THAP8: variants seen among roughly 807,000 people sequenced by gnomAD.
THAP8 encodes THAP domain containing 8.
Under a neutral mutation model 25.0 loss-of-function variants are expected in THAP8, and 24 were observed. The ratio of observed to expected loss-of-function variants is 0.96; its 90% CI spans 0.69 to 1.35. The LOEUF is 1.35. THAP8 is among the 40% of genes most tolerant of loss of function. THAP8 has a pLI of 0.00. For missense variants in THAP8, 399 were observed against 368.8 expected (o/e 1.08, Z -0.67); for synonymous variants, 169 against 157.6 (o/e 1.07, Z -0.54).
chr19:36,050,252 C>T (rs909936785), intron 1 of THAP8, among the ~76,000 whole-genome samples: 2 of 152,118 alleles, frequency 1.3e-5, no homozygotes, highest in Non-Finnish European at 2.9e-5. Flanking sequence ...TCCAGTGATT[C>T]TCTCACCTCA....
chr19:36,054,096 G>C (rs562080100), intron 1 of THAP8, 39 bp downstream of exon 1: 1 of 1,596,790 alleles, frequency 6.3e-7, no homozygotes, highest in South Asian at 1.1e-5. Context: ...CCCTCTCAGG[G>C]TCCCGCCTCC....
At chr19:36,045,102 T>G (rs1969831107) in intron 1 of THAP8, among the ~76,000 whole-genome samples, 1 of 151,660 alleles carries the variant, frequency 6.6e-6, no homozygotes, top group Non-Finnish European at 1.5e-5. Flanking sequence ...TAATTTATTT[T>G]TTTGAGATGG....
intron 1 of THAP8, among the ~76,000 whole-genome samples, chr19:36,048,220 C>G (rs1969938927): frequency 6.6e-6 from 1 of 152,164 alleles, no homozygotes; most frequent in African/African-American, 2.4e-5. Flanking sequence ...CACAAATGAC[C>G]TGCAAAGGAC....
chr19:36,039,663 T>G lies in THAP8; in HGVS notation c.332A>C (p.Gln111Pro). The change falls in exon 3 of 4, where the codon CAG becomes CCG. Residue 111 changes from glutamine to proline, a missense_variant. Transcript: ENST00000292894. ...GCTCTGGGGCAGGGGTGTATTCTTC[T>G]GTAGGGGAGGCGGCGGCGAGACTGG... ...QKPVSPPPPL[Q>P]KNTPLPQSPA... is the part of the protein sequence containing the mutation. 6.6e-7 allele frequency: 1 copy of G among 1,523,366 alleles called. No individual in the cohort carries two copies. Among genetic ancestry groups the G allele is most frequent in the Non-Finnish European group, 8.8e-7 (1 of 1,134,446 alleles). 94.4% of individuals were successfully genotyped at this position (1,523,366 alleles called of 1,614,324 possible). A position where few individuals can be genotyped will look rare whatever the true frequency, so the allele number is the denominator to read the frequency against.
At chr19:36,043,315 A>G (rs149304840) in intron 1 of THAP8, among the ~76,000 whole-genome samples, 171 of 152,300 alleles carry the variant, frequency 1.1e-3, no homozygotes, top group African/African-American at 3.7e-3. Flanking sequence ...AGCCAGTCAA[A>G]TACTGACGAT....
chr19:36,051,846 T>C (rs1356723673), intron 1 of THAP8, among the ~76,000 whole-genome samples: 3 of 151,856 alleles, frequency 2.0e-5, no homozygotes, highest in African/African-American at 7.3e-5. Context: ...AGGAGGTGAG[T>C]GGCAGGCAGG....
At chr19:36,038,676 CCT>C (rs980649668) in intron 3 of THAP8, among the ~76,000 whole-genome samples, 6 of 152,052 alleles carry the variant, frequency 3.9e-5, no homozygotes, top group African/African-American at 1.4e-4. Flanking sequence ...ACGGTGAAAC[CCT>C]GTCTGTACTA....
intron 1 of THAP8, among the ~76,000 whole-genome samples, chr19:36,049,961 G>A (rs976741588): frequency 2.0e-5 from 3 of 151,626 alleles, no homozygotes; most frequent in Non-Finnish European, 4.4e-5. Context: ...GGCTGAGGTA[G>A]GAGAATCACT....
chr19:36,054,149 A>G lies in THAP8; in HGVS notation c.69T>C (p.Pro23=). 2.5e-6 allele frequency: 4 copies of G among 1,613,766 alleles called. No homozygotes were observed. In the African/African-American group the frequency reaches 5.3e-5, roughly 22 times the overall value. Residue 23 remains proline (P), a synonymous_variant, in exon 1 of 4, where the codon CCT becomes CCC. Coordinates refer to ENST00000292894, the MANE Select transcript of THAP8 (RefSeq NM_152658.3). The stretch of plus-strand genomic sequence containing the variant: ...GCTGCGCTCACTTGTAGAAGCTCAC[A>G]GGGCGGTTGTCTGCACCCAGGCGGC... ...TAGRLGADNR[P]VSFYKFPLKD... is the part of the protein sequence containing the mutation.
chr19:36,045,097 T>A (rs1969830753), intron 1 of THAP8, among the ~76,000 whole-genome samples: 2 of 148,296 alleles, frequency 1.3e-5, no homozygotes, highest in African/African-American at 2.5e-5. Flanking sequence ...TTATTTAATT[T>A]ATTTTTTTGA....
At chr19:36,054,046 CCAGAAGCCCCGCA>C in intron 1 of THAP8, 76 bp downstream of exon 1, 1 of 1,450,292 alleles carries the variant, frequency 6.9e-7, no homozygotes, top group Non-Finnish European at 9.5e-7. Flanking sequence ...TCAAGCAAGA[CCAGAAGCCCCGCA>C]CAGCAGCACT....
intron 1 of THAP8, among the ~76,000 whole-genome samples, chr19:36,053,687 G>A (rs1037445196): frequency 6.6e-6 from 1 of 152,052 alleles, no homozygotes; most frequent in African/African-American, 2.4e-5. Flanking sequence ...CAAGTATGAC[G>A]AAAGAGGTAA....
chr19:36,054,164 A>G lies in THAP8; in HGVS notation c.54T>C (p.Gly18=). The G allele has an allele frequency of 1.9e-6, 3 of 1,613,578 alleles. No individual in the cohort carries two copies. Among genetic ancestry groups the G allele is most frequent in the East Asian group, 2.2e-5 (1 of 44,872 alleles). ...AGAAGCTCACAGGGCGGTTGTCTGC[A>G]CCCAGGCGGCCCGCAGTGTTGGAGC... ...PNCSNTAGRL[G]ADNRPVSFYK... The change falls in exon 1 of 4, where the codon GGT becomes GGC. Residue 18 remains glycine, a synonymous_variant. Transcript: ENST00000292894.
intron 1 of THAP8, among the ~76,000 whole-genome samples, chr19:36,046,227 C>T (rs1568554008): frequency 1.3e-5 from 2 of 152,184 alleles, no homozygotes; most frequent in Non-Finnish European, 2.9e-5. Flanking sequence ...CTCTCTCTCT[C>T]TCCTGCCCCC....
At chr19:36,048,849 A>AAAAAAAC (rs1217165350) in intron 1 of THAP8, among the ~76,000 whole-genome samples, 2 of 129,786 alleles carry the variant, frequency 1.5e-5, no homozygotes, top group Non-Finnish European at 3.3e-5. Flanking sequence ...TTTAAAAAAA[A>AAAAAAAC]AAAAAAACAA....
chr19:36,051,408 C>G (rs532464268), intron 1 of THAP8, among the ~76,000 whole-genome samples: 1 of 152,112 alleles, frequency 6.6e-6, no homozygotes, highest in East Asian at 1.9e-4. Flanking sequence ...CGGAAGGGAT[C>G]TGGGCAGAGG....
intron 3 of THAP8, 27 bp from the exon 4 acceptor site, chr19:36,035,619 G>A: frequency 6.3e-7 from 1 of 1,599,498 alleles, no homozygotes; most frequent in Non-Finnish European, 8.6e-7. Context: ...GTAGAGATGG[G>A]GAACATTACG....
At chr19:36,042,673 A>C (rs1284980685) in intron 1 of THAP8, among the ~76,000 whole-genome samples, 3 of 152,246 alleles carry the variant, frequency 2.0e-5, no homozygotes, top group Non-Finnish European at 4.4e-5. Context: ...AGCATAAATC[A>C]CAACAGCCAA....
At chr19:36,054,352 G>A (rs1313998138), upstream of THAP8, 18 of 1,104,212 alleles carry the variant, frequency 1.6e-5, no homozygotes, top group South Asian at 1.7e-4. Flanking sequence ...CACGTACCGG[G>A]GAGAGAGCTG....
Sources: gnomAD v4.1 joint callset for allele counts (sites outside exome capture counted in the v4.1 genomes callset) on GRCh38, gnomAD v4.1.1 for gene constraint, MANE v1.5 for transcripts, NCBI Gene and HGNC (gene_info 2026-07-23, HGNC 2026-07-21) for gene names.